YEATS2: variants seen among roughly 807,000 people sequenced by gnomAD.
YEATS2 encodes the protein YEATS domain containing 2, also known as YEATS domain-containing protein 2.
In YEATS2, 77 loss-of-function variants were observed where a neutral mutation model predicts 163.2. That is an observed-to-expected ratio of 0.47 (90% CI 0.39 to 0.57). The LOEUF is 0.57. Ranked by LOEUF, YEATS2 falls within the 20% of genes least tolerant of loss-of-function variation. The probability of loss-of-function intolerance (pLI) is 0.00; values close to 1 mark genes in which losing one functional copy is unlikely to be tolerated. For synonymous variants in YEATS2, 631 were observed against 645.1 expected (o/e 0.98, Z 0.33); for missense variants, 1,549 against 1,729.8 (o/e 0.90, Z 1.85).
chr3:183,790,380 T>C (rs547556154), intron 20 of YEATS2, among the ~76,000 whole-genome samples: 4 of 152,198 alleles, frequency 2.6e-5, no homozygotes, highest in Non-Finnish European at 4.4e-5. Context: ...AGATGTTTGT[T>C]CAATGAAGTG....
chr3:183,710,601 CATT>C (rs1329325461), intron 1 of YEATS2, among the ~76,000 whole-genome samples: 6 of 152,164 alleles, frequency 3.9e-5, no homozygotes, highest in Non-Finnish European at 4.4e-5. Context: ...CAAATGAACT[CATT>C]GTTGGTTTCT....
chr3:183,765,468 T>C (rs1178949630), intron 15 of YEATS2, among the ~76,000 whole-genome samples: 2 of 152,126 alleles, frequency 1.3e-5, no homozygotes, highest in African/African-American at 2.4e-5. Flanking sequence ...GCCCTAAATA[T>C]GGTTTAAGGG....
In YEATS2 at chr3:183,783,629, TGTAA is replaced by T. The variant is rs1226253413; in HGVS notation, c.2737-2493_2737-2490del. On this transcript the variant is annotated intron_variant, in intron 19 of 30. Transcript: ENST00000305135. The stretch of plus-strand genomic sequence containing the variant: ...ATTTACCCAACGATTAGCTCCCACT[TGTAA>T]GTGAGAACATGTAGCCTTTGGTTTT... 2.0e-5 allele frequency among the ~76,000 whole-genome samples: 3 copies of T among 152,336 alleles called. No individual in the cohort carries two copies. The East Asian group carries it at 5.8e-4, about 29-fold the overall frequency.
chr3:183,743,638 G>T (rs995652043), intron 8 of YEATS2, among the ~76,000 whole-genome samples: 6 of 151,948 alleles, frequency 3.9e-5, no homozygotes, highest in Non-Finnish European at 8.8e-5. Flanking sequence ...GAACCACCTT[G>T]CCTGGCCCAT....
chr3:183,807,862 T>G, intron 28 of YEATS2, 168 bp from the exon 29 acceptor site: 1 of 572,294 alleles, frequency 1.7e-6, no homozygotes, highest in Non-Finnish European at 3.2e-6. Context: ...ATAACATTCT[T>G]CTAGATGTTA....
chr3:183,736,623 A>G (rs1718369890), intron 7 of YEATS2, 95 bp from the exon 8 acceptor site: 3 of 783,378 alleles, frequency 3.8e-6, no homozygotes, highest in African/African-American at 1.8e-5. Flanking sequence ...CTCAGAAGAC[A>G]GTGAATTTCT....
In YEATS2 at chr3:183,713,480, T is replaced by C. The variant is rs1715481810; in HGVS notation, c.-19-1664T>C. Among the ~76,000 whole-genome samples the C allele has an allele frequency of 3.9e-5, 6 of 152,228 alleles. No individual in the cohort carries two copies. In the South Asian group the frequency reaches 1.2e-3, roughly 32 times the overall value. ...CAGGAGGCTGAGGCAGGAGAATTGC[T>C]TGAACCCGGGAGGCGGAGGCTGCAG... is the stretch of plus-strand genomic sequence containing the variant. On this transcript the variant is annotated intron_variant, in intron 1 of 30. Transcript: ENST00000305135.
At chr3:183,734,336 C>T (rs73887509) in intron 7 of YEATS2, among the ~76,000 whole-genome samples, 110 of 152,232 alleles carry the variant, frequency 7.2e-4, no homozygotes, top group African/African-American at 2.5e-3. Context: ...ATTCTGGTTC[C>T]GTTGCTTATT....
intron 8 of YEATS2, 93 bp from the exon 9 acceptor site, chr3:183,747,579 C>T (rs1719679310): frequency 2.0e-6 from 2 of 1,020,744 alleles, no homozygotes; most frequent in South Asian, 3.4e-5. Flanking sequence ...GGTATGAAGA[C>T]TTGCAAAAGA....
At chr3:183,771,282 C>T (rs1485672247) in intron 15 of YEATS2, among the ~76,000 whole-genome samples, 1 of 152,120 alleles carries the variant, frequency 6.6e-6, no homozygotes, top group Admixed American at 6.5e-5. Flanking sequence ...TGCATTTCTT[C>T]CAACCTTGTG....
At chr3:183,805,181 T>C (rs181990189) in intron 27 of YEATS2, among the ~76,000 whole-genome samples, 279 of 152,100 alleles carry the variant, frequency 1.8e-3, no homozygotes, top group African/African-American at 6.2e-3. Context: ...GGAGGATCAC[T>C]TGAGCCCCTA....
intron 1 of YEATS2, among the ~76,000 whole-genome samples, chr3:183,710,697 T>G (rs1317871868): frequency 2.8e-5 from 4 of 141,410 alleles, no homozygotes; most frequent in East Asian, 2.0e-4. Flanking sequence ...AAAGAGAGGG[T>G]TTTTTTTTTA....
At chr3:183,796,445 A>C (rs1352006687) in intron 21 of YEATS2, among the ~76,000 whole-genome samples, 2 of 151,618 alleles carry the variant, frequency 1.3e-5, no homozygotes, top group Non-Finnish European at 2.9e-5. Flanking sequence ...AATCACCTTT[A>C]AGATAAAATG....
At chr3:183,752,389 T>A in intron 10 of YEATS2, 136 bp downstream of exon 10, 2 of 1,111,996 alleles carry the variant, frequency 1.8e-6, no homozygotes, top group Non-Finnish European at 1.3e-6. Context: ...AGTTCTGTTA[T>A]GAAAGCCAAA....
At chr3:183,779,932 G>A (rs1009883979) in intron 19 of YEATS2, among the ~76,000 whole-genome samples, 2 of 151,342 alleles carry the variant, frequency 1.3e-5, no homozygotes, top group Non-Finnish European at 2.9e-5. Context: ...TCTTGACCTC[G>A]TGATCTGCCC....
intron 6 of YEATS2, among the ~76,000 whole-genome samples, chr3:183,726,237 A>G (rs1325031213): frequency 2.6e-5 from 4 of 152,270 alleles, no homozygotes; most frequent in Non-Finnish European, 4.4e-5. Flanking sequence ...TATTTCACCA[A>G]TTGTGTCAAT....
chr3:183,769,296 G>C (rs572696143), intron 15 of YEATS2, among the ~76,000 whole-genome samples: 2 of 152,150 alleles, frequency 1.3e-5, no homozygotes, highest in South Asian at 4.2e-4. Context: ...TGTTTCACCT[G>C]CTGAATCCAG....
At chr3:183,773,499 C>T in intron 16 of YEATS2, 134 bp from the exon 17 acceptor site, 3 of 827,924 alleles carry the variant, frequency 3.6e-6, no homozygotes, top group Non-Finnish European at 5.6e-6. Context: ...AAGCATTGTG[C>T]ATCTGGGAAA....
At chr3:183,778,111 CAAA>C (rs569250141) in intron 19 of YEATS2, among the ~76,000 whole-genome samples, 1 of 56,410 alleles carries the variant, frequency 1.8e-5, no homozygotes, top group Non-Finnish European at 3.6e-5. Context: ...GATTCTGTCT[CAAA>C]AAAAAAAAAA....
Sources: allele counts gnomAD v4.1 joint callset (sites outside exome capture counted in the v4.1 genomes callset), GRCh38; gene constraint gnomAD v4.1.1; transcripts MANE v1.5; gene names NCBI Gene and HGNC (gene_info 2026-07-23, HGNC 2026-07-21).